The following HEMK2 variants were observed in gnomAD, a reference collection of about 807,000 sequenced individuals.
The protein encoded by HEMK2 is methyltransferase HEMK2.
At chr21:28,601,839 A>G in the HEMK2 span, among the ~76,000 whole-genome samples, 2 of 152,214 alleles carry the variant, frequency 1.3e-5, no homozygotes, top group Admixed American at 1.3e-4. Context: ...AGCAATGGAA[A>G]GTGTTACATA....
At chr21:28,864,885 T>TAGAC in the HEMK2 span, among the ~76,000 whole-genome samples, 11 of 103,364 alleles carry the variant, frequency 1.1e-4, no homozygotes, top group African/African-American at 4.9e-4. Flanking sequence ...TAGGTAGATA[T>TAGAC]AGATGATAGA....
the HEMK2 span, among the ~76,000 whole-genome samples, chr21:28,817,481 G>C: frequency 6.6e-6 from 1 of 152,118 alleles, no homozygotes; most frequent in African/African-American, 2.4e-5. Flanking sequence ...CTCCATGATA[G>C]GTGTAGGGTT....
At chr21:28,699,140 C>A in the HEMK2 span, among the ~76,000 whole-genome samples, 1 of 152,068 alleles carries the variant, frequency 6.6e-6, no homozygotes, top group Non-Finnish European at 1.5e-5. Flanking sequence ...TCATGAACCA[C>A]CAGAGAAAAT....
chr21:28,754,787 G>T, the HEMK2 span, among the ~76,000 whole-genome samples: 1 of 152,028 alleles, frequency 6.6e-6, no homozygotes, highest in Non-Finnish European at 1.5e-5. Flanking sequence ...GGCTTAACAG[G>T]GACTATAAGG....
the HEMK2 span, among the ~76,000 whole-genome samples, chr21:28,770,691 A>G: frequency 6.8e-6 from 1 of 146,950 alleles, no homozygotes; most frequent in Non-Finnish European, 1.5e-5. Context: ...TCTCTCTCTC[A>G]CTCGCTCTCA....
chr21:28,855,327 A>G, the HEMK2 span, among the ~76,000 whole-genome samples: 2 of 152,238 alleles, frequency 1.3e-5, no homozygotes, highest in Non-Finnish European at 2.9e-5. Flanking sequence ...CTAAATATAC[A>G]TGCATTCAAC....
chr21:28,665,126 A>G, the HEMK2 span, among the ~76,000 whole-genome samples: 1 of 151,052 alleles, frequency 6.6e-6, no homozygotes, highest in East Asian at 1.9e-4. Context: ...AAACATAAAA[A>G]AAAAAAAAAT....
the HEMK2 span, among the ~76,000 whole-genome samples, chr21:28,783,080 C>T: frequency 2.0e-5 from 3 of 152,102 alleles, no homozygotes. Context: ...GGATTTTTTT[C>T]AGATTTTGGA....
chr21:28,651,553 A>G, the HEMK2 span, among the ~76,000 whole-genome samples: 1 of 152,244 alleles, frequency 6.6e-6, no homozygotes, highest in Non-Finnish European at 1.5e-5. Context: ...GTAAGTTGCA[A>G]TTTGAGTTCA....
the HEMK2 span, among the ~76,000 whole-genome samples, chr21:28,723,726 T>C: frequency 9.9e-5 from 15 of 152,272 alleles, no homozygotes; most frequent in East Asian, 1.7e-3. Flanking sequence ...AGGAGTGAGA[T>C]CATCTTTGTA....
chr21:28,755,058 T>C, the HEMK2 span, among the ~76,000 whole-genome samples: 1 of 152,144 alleles, frequency 6.6e-6, no homozygotes, highest in Non-Finnish European at 1.5e-5. Context: ...AGGAGTGCTC[T>C]AGGCAAAGGC....
the HEMK2 span, among the ~76,000 whole-genome samples, chr21:28,789,722 T>C: frequency 6.6e-6 from 1 of 152,186 alleles, no homozygotes; most frequent in Admixed American, 6.5e-5. Context: ...AGCCCACATA[T>C]GACATATACT....
At chr21:28,649,449 T>C in the HEMK2 span, among the ~76,000 whole-genome samples, 2 of 152,206 alleles carry the variant, frequency 1.3e-5, no homozygotes, top group African/African-American at 4.8e-5. Context: ...AGCATCTACA[T>C]TGTGACAGAC....
chr21:28,866,979 C>T, the HEMK2 span, among the ~76,000 whole-genome samples: 2 of 151,994 alleles, frequency 1.3e-5, no homozygotes, highest in Non-Finnish European at 2.9e-5. Context: ...TATATTAGAC[C>T]TACTAGATTG....
At chr21:28,883,345 T>C in the HEMK2 span, among the ~76,000 whole-genome samples, 1 of 152,192 alleles carries the variant, frequency 6.6e-6, no homozygotes, top group Non-Finnish European at 1.5e-5. Flanking sequence ...ACCATTACAT[T>C]AAAAAGTATG....
the HEMK2 span, among the ~76,000 whole-genome samples, chr21:28,814,119 C>A: frequency 6.6e-6 from 1 of 152,066 alleles, no homozygotes; most frequent in Admixed American, 6.6e-5. Context: ...CGCCTGTAGT[C>A]CCAGCTACTT....
At chr21:28,877,047 G>C in the HEMK2 span, among the ~76,000 whole-genome samples, 1 of 62,448 alleles carries the variant, frequency 1.6e-5, no homozygotes, top group African/African-American at 6.7e-5. Flanking sequence ...AGGGAGGGAG[G>C]GAGGGAGGGA....
At chr21:28,773,407 A>G in the HEMK2 span, among the ~76,000 whole-genome samples, 472 of 152,300 alleles carry the variant, frequency 3.1e-3, 3 homozygotes, top group African/African-American at 0.01. Flanking sequence ...ATCTTTAACA[A>G]CTAGAAATAC....
At chr21:28,634,769 G>T in the HEMK2 span, among the ~76,000 whole-genome samples, 1 of 152,152 alleles carries the variant, frequency 6.6e-6, no homozygotes, top group Admixed American at 6.5e-5. Flanking sequence ...GTAACTTATA[G>T]ACGTATTATA....
Sources: allele counts gnomAD v4.1 joint callset (sites outside exome capture counted in the v4.1 genomes callset), GRCh38; gene constraint gnomAD v4.1.1; transcripts MANE v1.5; gene names NCBI Gene and HGNC (gene_info 2026-07-23, HGNC 2026-07-21).